Variants in MEGF6 observed in about 807,000 individuals in gnomAD.
The protein encoded by MEGF6 is multiple EGF like domains 6.
A neutral mutation model predicts 207.1 loss-of-function variants in MEGF6; 184 were observed. That is an observed-to-expected ratio of 0.89 (90% confidence interval 0.79 to 1.00). The LOEUF (loss-of-function observed/expected upper bound fraction) is 1.00, where lower values mean the gene tolerates loss of function less well. Ranked by LOEUF, MEGF6 falls within the 50% of genes least tolerant of loss-of-function variation. MEGF6 has a pLI of 0.00. For synonymous variants in MEGF6, 1,038 were observed against 910.0 expected (o/e 1.14, Z -2.53); for missense variants, 2,282 against 2,202.9 (o/e 1.04, Z -0.72).
chr1:3,516,425 GC>G (rs1170104982), intron 5 of MEGF6, among the ~76,000 whole-genome samples: 1 of 152,224 alleles, frequency 6.6e-6, no homozygotes, highest in African/African-American at 2.4e-5. Flanking sequence ...TGTTGCCTGT[GC>G]CCGGGCAGGG....
At chr1:3,552,984 A>G (rs1186953833) in intron 4 of MEGF6, among the ~76,000 whole-genome samples, 3 of 152,116 alleles carry the variant, frequency 2.0e-5, no homozygotes, top group Non-Finnish European at 1.5e-5. Context: ...CCAGGCCCCA[A>G]GGACATCTTG....
At chr1:3,588,662 C>G (rs1042187767) in intron 3 of MEGF6, among the ~76,000 whole-genome samples, 4 of 151,972 alleles carry the variant, frequency 2.6e-5, no homozygotes, top group Admixed American at 6.5e-5. Context: ...GAGGGCCAGG[C>G]AGGCTGGGCA....
intron 18 of MEGF6, 66 bp downstream of exon 18, chr1:3,501,730 A>G (rs1640877003): frequency 3.8e-6 from 6 of 1,566,092 alleles, no homozygotes; most frequent in Non-Finnish European, 3.5e-6. Context: ...CCCACAGTTC[A>G]GGGCCCCACC....
intron 8 of MEGF6, 45 bp from the exon 9 acceptor site, chr1:3,511,732 T>C (rs1641353260): frequency 6.3e-7 from 1 of 1,579,014 alleles, no homozygotes. Flanking sequence ...GCGGCTAGGA[T>C]GACCCCCACC....
At chr1:3,532,315 C>T (rs1346661185) in intron 4 of MEGF6, among the ~76,000 whole-genome samples, 1 of 152,228 alleles carries the variant, frequency 6.6e-6, no homozygotes, top group South Asian at 2.1e-4. Context: ...CCAGAGCCCC[C>T]CATCCTCTCT....
At chr1:3,579,704 C>T in intron 4 of MEGF6, 121 bp downstream of exon 4, 4 of 613,792 alleles carry the variant, frequency 6.5e-6, no homozygotes, top group Middle Eastern at 4.4e-4. Context: ...GAAGAATGCC[C>T]GTTCACTCGG....
rs954284121 is a variant in MEGF6, at chr1:3,497,758, G to A, written c.3353-397C>T. ...GCCAGCGACAGCCCTGAGGCCAGCCGAGTGCCCAGGCCCCCCTCAGACAGC... is the reference window on the plus strand; with the variant it reads ...GCCAGCGACAGCCCTGAGGCCAGCCAAGTGCCCAGGCCCCCCTCAGACAGC... On this transcript the variant is annotated intron_variant, in intron 26 of 36. Transcript: ENST00000356575. 1.2e-4 allele frequency: 43 copies of A among 367,736 alleles called. 2 individuals are homozygous for A. Among genetic ancestry groups the A allele is most frequent in the South Asian group, 5.2e-4 (25 of 47,754 alleles). 22.8% of individuals were successfully genotyped at this position (367,736 alleles called of 1,614,324 possible).
At chr1:3,621,263 G>C in the MEGF6 span, among the ~76,000 whole-genome samples, 206 of 152,292 alleles carry the variant, frequency 1.4e-3, 2 homozygotes, top group Non-Finnish European at 2.4e-3. Context: ...TGGCACTGAC[G>C]CTGCCACTAG....
At chr1:3,531,788 A>C (rs1279416247) in intron 4 of MEGF6, among the ~76,000 whole-genome samples, 1 of 145,708 alleles carries the variant, frequency 6.9e-6, no homozygotes, top group Non-Finnish European at 1.5e-5. Flanking sequence ...AAAGCAGCAA[A>C]GGGAGCCGTC....
At chr1:3,534,161 G>A (rs920103951) in intron 4 of MEGF6, among the ~76,000 whole-genome samples, 1 of 152,146 alleles carries the variant, frequency 6.6e-6, no homozygotes, top group Non-Finnish European at 1.5e-5. Flanking sequence ...CATGCACCGT[G>A]GCTTGTCCCA....
Position 3,514,607 on chromosome 1 carries a change from C to A in MEGF6, c.796G>T (p.Ala266Ser). ...MHRCQVVRGLARCECHVGYQL... is the reference protein window; with the variant it reads ...MHRCQVVRGLSRCECHVGYQL... ...TAGCCCACGTGGCACTCACAGCGGGCGAGGCCCCGGACCACCTGGCACCTG... is the reference window on the plus strand; with the variant it reads ...TAGCCCACGTGGCACTCACAGCGGGAGAGGCCCCGGACCACCTGGCACCTG... The change falls in exon 7 of 37, where the codon GCC becomes TCC. Residue 266 changes from alanine (A) to serine (S), a missense_variant. Ala to Ser is a moderately conservative substitution (Grantham distance 99). Transcript: ENST00000356575. 1 of 1,579,816 alleles carries A rather than the reference C, an allele frequency of 6.3e-7. No individual in the cohort carries two copies. The highest frequency in any genetic ancestry group is 8.6e-7 in the Non-Finnish European group (1 of 1,165,236).
At chr1:3,562,343 T>C (rs1009109459) in intron 4 of MEGF6, among the ~76,000 whole-genome samples, 10 of 152,230 alleles carry the variant, frequency 6.6e-5, no homozygotes, top group African/African-American at 1.7e-4. Context: ...TGTTTCTCTG[T>C]CTCTTTGTCT....
chr1:3,583,431 CACA>C (rs1557794892), intron 3 of MEGF6, among the ~76,000 whole-genome samples: 11 of 66,246 alleles, frequency 1.7e-4, no homozygotes, highest in African/African-American at 8.5e-4. Context: ...CCAGACAACG[CACA>C]GCCACCAGAC....
chr1:3,621,139 C>T, the MEGF6 span, among the ~76,000 whole-genome samples: 5 of 152,334 alleles, frequency 3.3e-5, no homozygotes, highest in Admixed American at 2.0e-4. Flanking sequence ...TGTGGGCAAG[C>T]CTGACTAATG....
At chr1:3,498,580 A>G (rs1640714406) in intron 25 of MEGF6, 81 bp from the exon 26 acceptor site, 2 of 1,488,218 alleles carry the variant, frequency 1.3e-6, no homozygotes, top group South Asian at 2.5e-5. Context: ...TCCTGCACGC[A>G]GAGCTGAAGC....
chr1:3,560,904 A>T lies in MEGF6; in HGVS notation c.481+18921T>A. 2.4e-6 allele frequency: 1 copy of T among 415,470 alleles called. No homozygotes were observed. The highest frequency in any genetic ancestry group is 1.8e-5 in the South Asian group (1 of 56,214). The allele number at this position is 415,470 out of a possible 1,614,324, so 25.7% of individuals were successfully genotyped here. On this transcript the variant is annotated intron_variant, in intron 4 of 36. Transcript: ENST00000356575. This position sits in a 1 kb window ranked among gnomAD's most constrained non-coding sequence, Gnocchi z 4.0. ...GAAGGGGGTGCTGGGCTCTACCCCC[A>T]GGCCTCTACTACCCTCTGGCACACA...
intron 4 of MEGF6, among the ~76,000 whole-genome samples, chr1:3,538,805 G>A (rs530382865): frequency 1.3e-4 from 19 of 151,910 alleles, no homozygotes; most frequent in Non-Finnish European, 2.1e-4. Context: ...TGCGAGGCCC[G>A]GGGGCACCTG....
Position 3,492,785 on chromosome 1 carries a change from C to A in MEGF6, c.4388-18G>T, listed in dbSNP as rs201243273. On this transcript the variant is annotated intron_variant, in intron 34 of 36. Transcript: ENST00000356575. The stretch of plus-strand genomic sequence containing the variant: ...TCTGCAATCTGCAAGGCGGAGGGGG[C>A]GGGAGACAAACCTGAGCATCATCCT... The A allele has an allele frequency of 4.4e-6, 7 of 1,602,264 alleles. No individual in the cohort carries two copies. In the Admixed American group the frequency reaches 8.4e-5, roughly 19 times the overall value.
chr1:3,494,412 C>A lies in MEGF6; in HGVS notation c.4088G>T (p.Cys1363Phe). Residue 1363 changes from cysteine (C) to phenylalanine (F), a missense_variant, in exon 32 of 37, where the codon TGC becomes TTC. Cys to Phe is a radical substitution (Grantham distance 205). Coordinates refer to ENST00000356575, the MANE Select transcript of MEGF6 (RefSeq NM_001409.4). ...NSTCEPATGT[C>F]RCGPGFYGQA... ...GCCATAGAAGCCGGGGCCGCAGCGG[C>A]AGGTGCCCGTGGCAGGCTCACACGT... 1 of 1,547,536 alleles carries A rather than the reference C, an allele frequency of 6.5e-7. No homozygotes were observed. Among genetic ancestry groups the A allele is most frequent in the Non-Finnish European group, 8.7e-7 (1 of 1,151,348 alleles).
Sources: allele counts gnomAD v4.1 joint callset (sites outside exome capture counted in the v4.1 genomes callset), GRCh38; gene constraint gnomAD v4.1.1; non-coding constraint Gnocchi (gnomAD v3.1); transcripts MANE v1.5; gene names NCBI Gene and HGNC (gene_info 2026-07-23, HGNC 2026-07-21).